The following WDR72 variants were observed in gnomAD, a reference collection of about 807,000 sequenced individuals.
WDR72 encodes WD repeat-containing protein 72.
In WDR72, 120 loss-of-function variants were observed where a neutral mutation model predicts 124.2. The observed-to-expected ratio is 0.97, with a 90% CI of 0.83 to 1.12. WDR72 has a LOEUF of 1.12. WDR72 is among the 50% of genes most tolerant of loss of function. WDR72 has a pLI of 0.00. For synonymous variants in WDR72, 452 were observed against 441.7 expected, an observed-to-expected ratio of 1.02 and a Z score of -0.29; for missense variants, 1,387 against 1,278.8, an observed-to-expected ratio of 1.08 and a Z score of -1.29.
At chr15:53,603,846 T>C (rs1217992329) in intron 17 of WDR72, among the ~76,000 whole-genome samples, 2 of 151,960 alleles carry the variant, frequency 1.3e-5, no homozygotes, top group African/African-American at 4.8e-5. Context: ...CATAAACAAA[T>C]GGAAAAACAT....
intron 13 of WDR72, among the ~76,000 whole-genome samples, chr15:53,675,230 C>T (rs1197973025): frequency 1.6e-4 from 24 of 151,768 alleles, no homozygotes; most frequent in Admixed American, 1.5e-3. Context: ...GTAGTCCCAG[C>T]TACTTGGCAA....
At chr15:53,684,967 G>A (rs1463594211) in intron 13 of WDR72, among the ~76,000 whole-genome samples, 2 of 152,154 alleles carry the variant, frequency 1.3e-5, no homozygotes, top group South Asian at 2.1e-4. Flanking sequence ...ACCTCACAAG[G>A]CAAGGTATTC....
intron 6 of WDR72, among the ~76,000 whole-genome samples, chr15:53,713,191 T>TG (rs142191778): frequency 0.072 from 6,677 of 93,160 alleles, 530 homozygotes; most frequent in African/African-American, 0.21. Context: ...ATGTATTTCT[T>TG]GAAAAAAAAA....
At chr15:53,531,038 G>C (rs983546212) in intron 18 of WDR72, among the ~76,000 whole-genome samples, 5 of 152,024 alleles carry the variant, frequency 3.3e-5, no homozygotes, top group South Asian at 2.1e-4. Context: ...TCATCTCCCA[G>C]ATAGGAAATG....
intron 6 of WDR72, 71 bp downstream of exon 6, chr15:53,714,363 C>T (rs2017643711): frequency 1.6e-6 from 2 of 1,251,342 alleles, no homozygotes; most frequent in Admixed American, 1.7e-5. Context: ...ATGTAATAGC[C>T]TTAAAATTTA....
chr15:53,721,094 G>A (rs1427236958), intron 3 of WDR72, among the ~76,000 whole-genome samples: 1 of 152,094 alleles, frequency 6.6e-6, no homozygotes, highest in African/African-American at 2.4e-5. Context: ...TACCTGAAAA[G>A]TATCTTATAG....
chr15:53,713,737 C>T (rs1449899822), intron 6 of WDR72, among the ~76,000 whole-genome samples: 2 of 151,940 alleles, frequency 1.3e-5, no homozygotes, highest in South Asian at 2.1e-4. Context: ...GGATTACAGG[C>T]GTGAGCCACT....
chr15:53,630,054 T>A (rs566282490), intron 14 of WDR72, among the ~76,000 whole-genome samples: 1 of 149,398 alleles, frequency 6.7e-6, no homozygotes, highest in East Asian at 2.0e-4. Flanking sequence ...TTACAAAAGT[T>A]TTTAAAAAGA....
chr15:53,704,877 A>G, intron 11 of WDR72, 111 bp downstream of exon 11: 1 of 1,235,268 alleles, frequency 8.1e-7, no homozygotes, highest in Non-Finnish European at 1.1e-6. Flanking sequence ...GTACATATTT[A>G]TCAGCAAATG....
intron 9 of WDR72, among the ~76,000 whole-genome samples, chr15:53,710,629 A>C (rs1198707119): frequency 6.6e-6 from 1 of 152,206 alleles, no homozygotes; most frequent in African/African-American, 2.4e-5. Flanking sequence ...TAATAAATAC[A>C]TATTGTTTCA....
rs189266598 is a variant in WDR72 at position 53,600,325 on chromosome 15, T to C, written c.2953-3051A>G. On this transcript the variant is annotated intron_variant, in intron 17 of 19. Coordinates refer to ENST00000360509, the MANE Select transcript of WDR72 (RefSeq NM_182758.4). ...TCCAAAAAAATATAAAATGTTTATA[T>C]GGCATTTTATATAACTTTGTAATTT... 2.2e-3 allele frequency among the ~76,000 whole-genome samples: 328 copies of C among 152,292 alleles called. 2 individuals carry two copies. Among genetic ancestry groups the C allele is most frequent in the Middle Eastern group, 6.8e-3 (2 of 292 alleles).
At chr15:53,742,482 T>C (rs142647191) in intron 1 of WDR72, among the ~76,000 whole-genome samples, 92 of 152,290 alleles carry the variant, frequency 6.0e-4, no homozygotes, top group Middle Eastern at 6.8e-3. Flanking sequence ...TATACCAAAT[T>C]TGAGTACCTG....
intron 1 of WDR72, among the ~76,000 whole-genome samples, chr15:53,747,734 C>G (rs1238872925): frequency 1.3e-5 from 2 of 152,164 alleles, no homozygotes; most frequent in South Asian, 2.1e-4. Context: ...CTGACACATT[C>G]AAAGAAAGGC....
intron 14 of WDR72, among the ~76,000 whole-genome samples, chr15:53,630,837 T>C (rs2014397944): frequency 6.6e-6 from 1 of 152,138 alleles, no homozygotes; most frequent in Admixed American, 6.5e-5. Flanking sequence ...CTATTTAACA[T>C]TGTACTAGAC....
At chr15:53,654,508 T>C (rs1199387314) in intron 14 of WDR72, among the ~76,000 whole-genome samples, 1 of 152,228 alleles carries the variant, frequency 6.6e-6, no homozygotes, top group Non-Finnish European at 1.5e-5. Flanking sequence ...CTAGAATTAA[T>C]GGACGTAGAA....
chr15:53,718,066 T>C (rs2017763768), intron 3 of WDR72, among the ~76,000 whole-genome samples: 1 of 152,188 alleles, frequency 6.6e-6, no homozygotes, highest in Non-Finnish European at 1.5e-5. Flanking sequence ...GTCAACATTA[T>C]AAAATTTTAG....
intron 14 of WDR72, among the ~76,000 whole-genome samples, chr15:53,657,557 T>A (rs2140438209): frequency 6.6e-6 from 1 of 151,926 alleles, no homozygotes; most frequent in African/African-American, 2.4e-5. Flanking sequence ...AATTAACTGA[T>A]AACTACAAAT....
rs1165891167 is a variant in WDR72, at chr15:53,705,232, C to G, written c.1104G>C (p.Glu368Asp). The G allele has an allele frequency of 1.9e-6, 3 of 1,612,644 alleles. No homozygotes were observed. The highest frequency in any genetic ancestry group is 3.3e-5 in the Admixed American group (2 of 60,010). The change falls in exon 11 of 20, where the codon GAG (glutamate) becomes GAC (aspartate). Residue 368 changes from glutamate to aspartate, a missense_variant and splice_region_variant. By Grantham distance (45) the Glu-to-Asp change is conservative. Coordinates refer to ENST00000360509, the MANE Select transcript of WDR72 (RefSeq NM_182758.4). ...GAGTCCAGGTGGCAGTTACTGGTAT[C>G]TCTAAAAAGAAAACAGACATAAAAA... is the stretch of plus-strand genomic sequence containing the variant. Reference protein sequence around the residue: ...PVSKFDGSPREIPVTATWTLQ... With the variant: ...PVSKFDGSPRDIPVTATWTLQ...
intron 1 of WDR72, among the ~76,000 whole-genome samples, chr15:53,755,196 T>C (rs1431950334): frequency 6.6e-6 from 1 of 152,218 alleles, no homozygotes; most frequent in Non-Finnish European, 1.5e-5. Context: ...GAAAAAAGAA[T>C]GAAGTCCTTC....
Sources: gnomAD v4.1 joint callset for allele counts (sites outside exome capture counted in the v4.1 genomes callset) on GRCh38, gnomAD v4.1.1 for gene constraint, MANE v1.5 for transcripts, NCBI Gene and HGNC (gene_info 2026-07-23, HGNC 2026-07-21) for gene names.